RALYL: variants seen among roughly 807,000 people sequenced by gnomAD.
The protein encoded by RALYL is RALY RNA binding protein like.
Under a neutral mutation model 35.1 loss-of-function variants are expected in RALYL, and 29 were observed. That is an observed-to-expected ratio of 0.83 (90% CI 0.61 to 1.13). The LOEUF (loss-of-function observed/expected upper bound fraction) is 1.13. Ranked by LOEUF, RALYL falls within the 50% of genes most tolerant of loss-of-function variation. RALYL has a pLI of 0.00. For synonymous variants in RALYL, 120 were observed against 127.6 expected, an observed-to-expected ratio of 0.94 and a Z score of 0.40; for missense variants, 359 against 360.4, an observed-to-expected ratio of 1.00 and a Z score of 0.03.
intron 2 of RALYL, among the ~76,000 whole-genome samples, chr8:84,642,800 GA>G (rs1418610319): frequency 7.2e-6 from 1 of 139,836 alleles, no homozygotes; most frequent in Non-Finnish European, 1.5e-5. Context: ...GGATGAAAGA[GA>G]AAGGTAGGAG....
chr8:84,729,623 T>A (rs749744391), intron 2 of RALYL, among the ~76,000 whole-genome samples: 77 of 151,974 alleles, frequency 5.1e-4, no homozygotes, highest in Admixed American at 7.9e-4. Flanking sequence ...TCAATGAAAT[T>A]GTTAGACCGC....
At chr8:84,344,583 C>G (rs1425263790) in intron 1 of RALYL, among the ~76,000 whole-genome samples, 1 of 151,926 alleles carries the variant, frequency 6.6e-6, no homozygotes, top group East Asian at 1.9e-4. Flanking sequence ...TTGTGGGGTA[C>G]AGAGTTATGA....
chr8:84,291,199 C>T (rs1838715656), intron 1 of RALYL, among the ~76,000 whole-genome samples: 2 of 152,142 alleles, frequency 1.3e-5, no homozygotes, highest in African/African-American at 4.8e-5. Flanking sequence ...CTAAAGTTTA[C>T]TGAGTGATTT....
intron 6 of RALYL, among the ~76,000 whole-genome samples, chr8:84,864,010 T>C (rs1318581699): frequency 1.3e-5 from 2 of 152,194 alleles, no homozygotes; most frequent in Non-Finnish European, 2.9e-5. Flanking sequence ...ACTTATTTCT[T>C]ACATTGGAAA....
intron 2 of RALYL, among the ~76,000 whole-genome samples, chr8:84,538,216 A>G (rs2059758986): frequency 6.6e-6 from 1 of 152,188 alleles, no homozygotes; most frequent in Non-Finnish European, 1.5e-5. Flanking sequence ...TATTTGACTC[A>G]ATCACTGAAC....
intron 2 of RALYL, among the ~76,000 whole-genome samples, chr8:84,692,965 C>G (rs1158350060): frequency 6.6e-6 from 1 of 151,980 alleles, no homozygotes; most frequent in East Asian, 1.9e-4. Flanking sequence ...TTAGAAAAGG[C>G]AAGCAAACAA....
chr8:84,329,427 C>A (rs1344036738), intron 1 of RALYL, among the ~76,000 whole-genome samples: 2 of 152,042 alleles, frequency 1.3e-5, no homozygotes, highest in Non-Finnish European at 2.9e-5. Context: ...TGTTCATGCT[C>A]TTTGCCCACT....
Position 84,415,996 on chromosome 8 carries a change from C to T in RALYL, c.-23-113303C>T, listed in dbSNP as rs112351773. 1.5e-3 allele frequency among the ~76,000 whole-genome samples: 233 copies of T among 152,146 alleles called. 2 individuals are homozygous for T. Among genetic ancestry groups the T allele is most frequent in the African/African-American group, 4.5e-3 (186 of 41,500 alleles). The stretch of plus-strand genomic sequence containing the variant: ...TTGTAAGGCCAGTGAAAGTGAGTGA[C>T]GAAGGATCATTTAAAGACAAGGTAC... On this transcript the variant is annotated intron_variant, in intron 1 of 8. Coordinates refer to ENST00000521268, the MANE Select transcript of RALYL (RefSeq NM_173848.7).
At chr8:84,747,024 T>G (rs1455204153) in intron 2 of RALYL, among the ~76,000 whole-genome samples, 1 of 151,846 alleles carries the variant, frequency 6.6e-6, no homozygotes, top group African/African-American at 2.4e-5. Flanking sequence ...TGTAACAAAA[T>G]TAATACAAAA....
At chr8:84,457,068 A>T (rs1292295754) in intron 1 of RALYL, among the ~76,000 whole-genome samples, 3 of 151,826 alleles carry the variant, frequency 2.0e-5, no homozygotes, top group Admixed American at 2.0e-4. Context: ...AAAACATCTA[A>T]TTTTTTCCCC....
chr8:84,909,197 G>A (rs1370777085), intron 8 of RALYL, among the ~76,000 whole-genome samples: 2 of 152,080 alleles, frequency 1.3e-5, no homozygotes, highest in Admixed American at 6.6e-5. Context: ...CACACACAAT[G>A]AAAAGAACAC....
At chr8:84,396,393 A>G (rs1300399747) in intron 1 of RALYL, among the ~76,000 whole-genome samples, 1 of 152,126 alleles carries the variant, frequency 6.6e-6, no homozygotes, top group East Asian at 1.9e-4. Context: ...TTCAACCAGT[A>G]ATGTTATTGT....
intron 1 of RALYL, among the ~76,000 whole-genome samples, chr8:84,227,966 A>G (rs1457934935): frequency 1.3e-5 from 2 of 152,132 alleles, no homozygotes; most frequent in Non-Finnish European, 2.9e-5. Context: ...ATCATAGAGA[A>G]GGCTTACTGA....
At chr8:84,768,775 C>T (rs529316796) in intron 2 of RALYL, among the ~76,000 whole-genome samples, 2 of 152,340 alleles carry the variant, frequency 1.3e-5, no homozygotes, top group African/African-American at 2.4e-5. Flanking sequence ...AATTTCCATA[C>T]ATCCAAAAGA....
intron 2 of RALYL, among the ~76,000 whole-genome samples, chr8:84,761,871 A>G (rs1034753210): frequency 1.1e-4 from 16 of 152,168 alleles, no homozygotes; most frequent in Non-Finnish European, 2.1e-4. Context: ...TGGAAAACAT[A>G]CATTCAAGAA....
chr8:84,545,144 A>G (rs771235089), intron 2 of RALYL, among the ~76,000 whole-genome samples: 9 of 152,262 alleles, frequency 5.9e-5, no homozygotes, highest in South Asian at 4.1e-4. Context: ...TACCATATCC[A>G]TACAGTTATC....
At chr8:84,593,933 T>A (rs1471291507) in intron 2 of RALYL, among the ~76,000 whole-genome samples, 1 of 152,096 alleles carries the variant, frequency 6.6e-6, no homozygotes, top group Non-Finnish European at 1.5e-5. Context: ...TTTATGATCA[T>A]CTTCCTTGTA....
At chr8:84,287,467 G>A (rs1837872229) in intron 1 of RALYL, among the ~76,000 whole-genome samples, 1 of 152,088 alleles carries the variant, frequency 6.6e-6, no homozygotes, top group African/African-American at 2.4e-5. Flanking sequence ...CCTCAAGGAA[G>A]GAGGGGAATT....
chr8:84,668,863 A>C (rs1832616323), intron 2 of RALYL, among the ~76,000 whole-genome samples: 2 of 152,156 alleles, frequency 1.3e-5, no homozygotes, highest in Admixed American at 1.3e-4. Context: ...AAGAAATCAA[A>C]AAGTAGACAA....
Sources: allele counts gnomAD v4.1 joint callset (sites outside exome capture counted in the v4.1 genomes callset), GRCh38; gene constraint gnomAD v4.1.1; transcripts MANE v1.5; gene names NCBI Gene and HGNC (gene_info 2026-07-23, HGNC 2026-07-21).